RFX4: variants seen among roughly 807,000 people sequenced by gnomAD.
RFX4 encodes regulatory factor X4.
RFX4 carries 10 observed loss-of-function variants against 95.0 expected under a neutral mutation model. That is an observed-to-expected ratio of 0.11 (90% CI 0.06 to 0.18). RFX4 has a LOEUF of 0.18. RFX4 is among the 10% of genes least tolerant of loss of function. RFX4 has a pLI of 1.00. For synonymous variants in RFX4, 321 were observed against 340.7 expected (o/e 0.94, Z 0.64); for missense variants, 640 against 922.0 (o/e 0.69, Z 3.96).
At chr12:106,641,717 T>C (rs2040626439) in intron 3 of RFX4, among the ~76,000 whole-genome samples, 1 of 152,224 alleles carries the variant, frequency 6.6e-6, no homozygotes. Context: ...CGCCTATTCT[T>C]ATCAAAAGAC....
At chr12:106,608,668 A>G (rs2039888813) in intron 1 of RFX4, 129 bp from the exon 2 acceptor site, 2 of 869,284 alleles carry the variant, frequency 2.3e-6, no homozygotes, top group South Asian at 3.7e-5. Context: ...CAGATGCCAC[A>G]TGAATATTGA....
chr12:106,624,450 G>A (rs928656982), intron 2 of RFX4, among the ~76,000 whole-genome samples: 1 of 151,954 alleles, frequency 6.6e-6, no homozygotes, highest in Non-Finnish European at 1.5e-5. Context: ...TCAGCCTTCC[G>A]AGCAGCTGGG....
chr12:106,689,254 T>A (rs1388280131), intron 6 of RFX4, 33 bp from the exon 7 acceptor site: 1 of 1,525,300 alleles, frequency 6.6e-7, no homozygotes, highest in South Asian at 1.1e-5. Context: ...TTAATGTATG[T>A]CTTTGTTGTT....
chr12:106,738,073 G>A (rs1040991132), intron 15 of RFX4, among the ~76,000 whole-genome samples: 2 of 152,100 alleles, frequency 1.3e-5, no homozygotes, highest in African/African-American at 4.8e-5. Flanking sequence ...GCAGCTCTCA[G>A]GAGTTCTTCA....
chr12:106,702,029 T>G (rs963400320), intron 8 of RFX4, among the ~76,000 whole-genome samples: 12 of 152,076 alleles, frequency 7.9e-5, no homozygotes, highest in African/African-American at 2.9e-4. Flanking sequence ...ACATTTATTA[T>G]TAATATATTA....
intron 4 of RFX4, among the ~76,000 whole-genome samples, chr12:106,666,335 T>C (rs1296207417): frequency 1.3e-5 from 2 of 152,158 alleles, no homozygotes; most frequent in Non-Finnish European, 2.9e-5. Flanking sequence ...TGATTTTCTA[T>C]AGTTTGAAAA....
At chr12:106,601,057 A>C in intron 1 of RFX4, 2 of 1,165,706 alleles carry the variant, frequency 1.7e-6, no homozygotes, top group Non-Finnish European at 2.3e-6. Flanking sequence ...AATATTTGGT[A>C]AATGAGGGAA....
intron 2 of RFX4, among the ~76,000 whole-genome samples, chr12:106,620,537 G>A (rs2040162882): frequency 1.3e-5 from 2 of 152,094 alleles, no homozygotes; most frequent in South Asian, 4.1e-4. Context: ...TGAGGGAATA[G>A]GACAAAGGGC....
chr12:106,736,028 C>T (rs2042703412), intron 15 of RFX4, among the ~76,000 whole-genome samples: 1 of 152,174 alleles, frequency 6.6e-6, no homozygotes, highest in African/African-American at 2.4e-5. Flanking sequence ...GCTCTACTAC[C>T]CTCCTGTTAC....
intron 15 of RFX4, among the ~76,000 whole-genome samples, chr12:106,737,038 A>T (rs1231155237): frequency 6.6e-6 from 1 of 150,898 alleles, no homozygotes; most frequent in African/African-American, 2.4e-5. Flanking sequence ...ATAAAATCCT[A>T]CTCACCTCCT....
chr12:106,732,130 G>A lies in RFX4; in HGVS notation c.1352G>A (p.Gly451Glu). The A allele has an allele frequency of 1.2e-6, 2 of 1,612,604 alleles. No individual in the cohort carries two copies. The highest frequency in any genetic ancestry group is 1.7e-6 in the Non-Finnish European group (2 of 1,179,254). Residue 451 changes from glycine to glutamate, a missense_variant and splice_region_variant, in exon 14 of 18, where the codon GGG becomes GAG. Physicochemically the swap from Gly to Glu is moderately conservative, Grantham distance 98. Around this residue, in one of 7 missense-constraint regions of RFX4, gnomAD observed 20 missense variants for 52.3 expected, o/e 0.38. Transcript: ENST00000392842. ...TCTGTTTGATCCTTTTTTTCACCAG[G>A]GTCTTTTCACCTAATTCACTTAATG... Reference protein sequence around the residue: ...DMTLHSAPSFGSFHLIHLMFD... With the variant: ...DMTLHSAPSFESFHLIHLMFD...
rs1035206708 is a variant in RFX4, at chr12:106,658,252, T to G, written c.315+3901T>G. ...AAACTGGTGTTGTATCCATTTTCCATTAGCCCATTTACTGAGTAGAAATGA... is the reference window on the plus strand; with the variant it reads ...AAACTGGTGTTGTATCCATTTTCCAGTAGCCCATTTACTGAGTAGAAATGA... On this transcript the variant is annotated intron_variant, in intron 4 of 17. Coordinates refer to ENST00000392842, the MANE Select transcript of RFX4 (RefSeq NM_213594.3). 3.9e-5 allele frequency among the ~76,000 whole-genome samples: 6 copies of G among 152,194 alleles called. No homozygotes were observed. In the East Asian group the frequency reaches 9.6e-4, roughly 24 times the overall value.
chr12:106,757,327 C>T (rs1210126251), intron 17 of RFX4, among the ~76,000 whole-genome samples: 2 of 152,002 alleles, frequency 1.3e-5, no homozygotes, highest in East Asian at 3.9e-4. Context: ...GTGGGATGAC[C>T]GTTTGAGCCC....
At chr12:106,741,426 A>C (rs768868041) in intron 15 of RFX4, among the ~76,000 whole-genome samples, 2 of 152,228 alleles carry the variant, frequency 1.3e-5, no homozygotes, top group Non-Finnish European at 2.9e-5. Flanking sequence ...ACATCGTCCA[A>C]ATAGAACTTT....
Position 106,747,566 on chromosome 12 carries a change from G to A in RFX4, c.1763G>A (p.Arg588Lys). The change falls in exon 16 of 18, where the codon AGG becomes AAG. Residue 588 changes from arginine to lysine, a missense_variant. Around this residue, in one of 7 missense-constraint regions of RFX4, gnomAD observed 300 missense variants for 346.8 expected, o/e 0.87. Transcript: ENST00000392842. Reference sequence around the variant, plus strand: ...GTGCCTTCTTCCTCCGTCACACACAGGATACCAGTTTATCCCCACAGAGAG... The same window carrying A: ...GTGCCTTCTTCCTCCGTCACACACAAGATACCAGTTTATCCCCACAGAGAG... ...THVPSSSVTH[R>K]IPVYPHREEH... 1.2e-6 allele frequency: 2 copies of A among 1,614,028 alleles called. No homozygotes were observed. The highest frequency in any genetic ancestry group is 1.1e-5 in the South Asian group (1 of 91,058).
intron 13 of RFX4, among the ~76,000 whole-genome samples, chr12:106,731,123 T>G (rs544921914): frequency 9.9e-5 from 15 of 152,244 alleles, no homozygotes; most frequent in African/African-American, 3.6e-4. Flanking sequence ...GATATCTACA[T>G]GGAGATGTCC....
chr12:106,618,267 G>C (rs2137229262), intron 2 of RFX4, among the ~76,000 whole-genome samples: 1 of 151,968 alleles, frequency 6.6e-6, no homozygotes, highest in Non-Finnish European at 1.5e-5. Context: ...CAGTGAAGTT[G>C]GTTAATTATG....
chr12:106,610,995 T>G (rs186826586), intron 2 of RFX4, among the ~76,000 whole-genome samples: 1 of 152,332 alleles, frequency 6.6e-6, no homozygotes, highest in African/African-American at 2.4e-5. Flanking sequence ...TCTGTTTTTT[T>G]TTTAATAATA....
chr12:106,647,826 G>A (rs2040777498), intron 3 of RFX4, among the ~76,000 whole-genome samples: 1 of 152,226 alleles, frequency 6.6e-6, no homozygotes, highest in African/African-American at 2.4e-5. Context: ...CTCACAGCAA[G>A]CTTGGGAGAT....
Sources: gnomAD v4.1 joint callset for allele counts (sites outside exome capture counted in the v4.1 genomes callset) on GRCh38, gnomAD v4.1.1 for gene constraint, gnomAD v4.1.1 regional missense constraint, MANE v1.5 for transcripts, NCBI Gene and HGNC (gene_info 2026-07-23, HGNC 2026-07-21) for gene names.